Variants in ENPP1 observed in about 807,000 individuals in gnomAD.
ENPP1 encodes the protein ectonucleotide pyrophosphatase/phosphodiesterase family member 1.
A neutral mutation model predicts 122.8 loss-of-function variants in ENPP1; 73 were observed. That is an observed-to-expected ratio of 0.59 (90% CI 0.49 to 0.72). ENPP1 has a LOEUF of 0.72. Among genes scored for constraint, ENPP1 ranks in the 30% least tolerant of loss-of-function variants. The probability of loss-of-function intolerance (pLI) is 0.00; values close to 1 mark genes in which losing one functional copy is unlikely to be tolerated. For synonymous variants in ENPP1, 367 were observed against 391.6 expected (o/e 0.94, Z 0.74); for missense variants, 978 against 1,128.1 (o/e 0.87, Z 1.91).
chr6:131,868,196 A>T lies in ENPP1; in HGVS notation c.1273+70A>T, dbSNP rs145365159. 2,739 of 1,163,580 alleles carry T rather than the reference A, an allele frequency of 2.4e-3. 54 individuals are homozygous for T. In the African/African-American group the frequency reaches 0.034, roughly 14 times the overall value. 72.1% of individuals were successfully genotyped at this position (1,163,580 alleles called of 1,614,324 possible). A position where few individuals can be genotyped will look rare whatever the true frequency, so the allele number is the denominator to read the frequency against. On this transcript the variant is annotated intron_variant, in intron 12 of 24. Coordinates refer to ENST00000647893, the MANE Select transcript of ENPP1 (RefSeq NM_006208.3). ...AGAAAGTTTACTTGATGGTTTCCCA[A>T]TTTTTTCTGAATGTTGTAGTTAATT...
At chr6:131,885,582 G>A (rs1048656784) in intron 23 of ENPP1, among the ~76,000 whole-genome samples, 28 of 152,106 alleles carry the variant, frequency 1.8e-4, no homozygotes, top group Admixed American at 1.6e-3. Context: ...TTAAAAAAGA[G>A]AGGGAAAGAA....
intron 24 of ENPP1, among the ~76,000 whole-genome samples, chr6:131,889,386 C>T (rs187744076): frequency 6.6e-6 from 1 of 151,844 alleles, no homozygotes; most frequent in Admixed American, 6.6e-5. Context: ...CCTCCTCCCA[C>T]CCCCTGCCCT....
intron 18 of ENPP1, 165 bp downstream of exon 18, chr6:131,877,326 C>T (rs1373913791): frequency 2.8e-6 from 2 of 708,852 alleles, no homozygotes; most frequent in African/African-American, 3.6e-5. Flanking sequence ...TGTGATATAT[C>T]TTTTCTCTTT....
At chr6:131,838,857 G>T (rs1781707349) in intron 1 of ENPP1, among the ~76,000 whole-genome samples, 1 of 152,116 alleles carries the variant, frequency 6.6e-6, no homozygotes. Flanking sequence ...CCATATGTTT[G>T]AAAAGGTAGG....
At chr6:131,809,122 A>G (rs1209656409) in intron 1 of ENPP1, among the ~76,000 whole-genome samples, 2 of 152,168 alleles carry the variant, frequency 1.3e-5, no homozygotes, top group African/African-American at 4.8e-5. Context: ...TCCCTTGTGC[A>G]TTGCATGGGA....
At chr6:131,839,645 G>A (rs1781716651) in intron 1 of ENPP1, among the ~76,000 whole-genome samples, 1 of 152,098 alleles carries the variant, frequency 6.6e-6, no homozygotes, top group South Asian at 2.1e-4. Context: ...ACACTAAGAA[G>A]ATGACAAAAT....
chr6:131,843,428 G>A (rs1781766605), intron 1 of ENPP1, among the ~76,000 whole-genome samples: 4 of 152,100 alleles, frequency 2.6e-5, no homozygotes, highest in Admixed American at 2.6e-4. Flanking sequence ...CTTAACAAGA[G>A]GATAAAGAGC....
rs1297864454 is a variant in ENPP1, at chr6:131,886,551, A to G, written c.2445-11A>G. The G allele has an allele frequency of 6.3e-7, 1 of 1,597,686 alleles. No homozygotes were observed. Among genetic ancestry groups the G allele is most frequent in the East Asian group, 2.2e-5 (1 of 44,786 alleles). The stretch of plus-strand genomic sequence containing the variant: ...TTTCTTTCTTAAAATGAATATTGGC[A>G]TGTTTTACAGAAAAAGAAGAGTCAT... On this transcript the variant is annotated splice_polypyrimidine_tract_variant and intron_variant, in intron 23 of 24. Coordinates refer to ENST00000647893, the MANE Select transcript of ENPP1 (RefSeq NM_006208.3).
At chr6:131,821,945 G>A (rs2114660377) in intron 1 of ENPP1, among the ~76,000 whole-genome samples, 1 of 152,262 alleles carries the variant, frequency 6.6e-6, no homozygotes, top group Non-Finnish European at 1.5e-5. Flanking sequence ...AAACACACTA[G>A]CTTCCTATAA....
Position 131,890,435 on chromosome 6 carries a change from A to G in ENPP1, c.2702A>G (p.Tyr901Cys), listed in dbSNP as rs121908249. The G allele has an allele frequency of 2.5e-6, 4 of 1,613,714 alleles. No individual in the cohort carries two copies. The highest frequency in any genetic ancestry group is 4.5e-5 in the East Asian group (2 of 44,884). ...GAGCACATCACTGGACTCAGCTTCTATCAACAAAGAAAAGAGCCAGTTTCA... is the reference window on the plus strand; with the variant it reads ...GAGCACATCACTGGACTCAGCTTCTGTCAACAAAGAAAAGAGCCAGTTTCA... The part of the protein sequence containing the change: ...DVEHITGLSF[Y>C]QQRKEPVSDI... Residue 901 changes from tyrosine to cysteine, a missense_variant, in exon 25 of 25, where the codon TAT becomes TGT. Tyr to Cys is a radical substitution (Grantham distance 194). Around this residue, in one of 3 missense-constraint regions of ENPP1, gnomAD observed 644 missense variants for 781.5 expected, o/e 0.82. Transcript: ENST00000647893.
At chr6:131,826,617 CA>C in intron 1 of ENPP1, 1 of 932,992 alleles carries the variant, frequency 1.1e-6, no homozygotes, top group Non-Finnish European at 1.7e-6. Flanking sequence ...CACAGCTGAT[CA>C]GTTCTAGGCT....
At position 131,838,670 on chromosome 6, in the gene ENPP1, A is replaced by T. The variant is rs369007548; in HGVS notation, c.241-9106A>T. 1.2e-3 allele frequency among the ~76,000 whole-genome samples: 186 copies of T among 152,082 alleles called. 6 individuals carry two copies. In the South Asian group the frequency reaches 0.03, roughly 24 times the overall value. ...AATAAGAGTAAGACCAGAAATTAAT[A>T]AAATAACAATAAGCATACAAAAGAA... On this transcript the variant is annotated intron_variant, in intron 1 of 24. Transcript: ENST00000647893.
At chr6:131,826,388 C>T in intron 1 of ENPP1, 3 of 997,612 alleles carry the variant, frequency 3.0e-6, no homozygotes, top group Non-Finnish European at 4.7e-6. Context: ...GGCAGATTCT[C>T]AATATTAATA....
intron 2 of ENPP1, among the ~76,000 whole-genome samples, 156 bp downstream of exon 2, chr6:131,848,004 T>C (rs1398020449): frequency 1.3e-5 from 2 of 152,168 alleles, no homozygotes; most frequent in African/African-American, 4.8e-5. Flanking sequence ...GCCTTTTTCC[T>C]GAAGTTCTTG....
intron 1 of ENPP1, among the ~76,000 whole-genome samples, chr6:131,832,152 G>A (rs1393749558): frequency 6.6e-6 from 1 of 151,722 alleles, no homozygotes; most frequent in Non-Finnish European, 1.5e-5. Context: ...GGATGTTCCA[G>A]GCTTTTAGGT....
intron 1 of ENPP1, among the ~76,000 whole-genome samples, chr6:131,833,951 T>G (rs1310216899): frequency 6.6e-6 from 1 of 152,208 alleles, no homozygotes; most frequent in Admixed American, 6.5e-5. Flanking sequence ...GGAGGGACCC[T>G]TTAGCCTTTT....
rs1782340059 is a variant in ENPP1, at chr6:131,883,602, A to AT, written c.2231-92_2231-91insT. 3.1e-5 allele frequency: 23 copies of AT among 732,506 alleles called. No homozygotes were observed. The South Asian group carries it at 3.2e-4, about 10-fold the overall frequency. The allele number at this position is 732,506 out of a possible 1,614,324, so 45.4% of individuals were successfully genotyped here. On this transcript the variant is annotated intron_variant, in intron 21 of 24. Coordinates refer to ENST00000647893, the MANE Select transcript of ENPP1 (RefSeq NM_006208.3). ...TACAGGTTTAAGATGGTACTCAGCTAATTTTTAAAAATGCTCCCCTAACCA... is the reference window on the plus strand; with the variant it reads ...TACAGGTTTAAGATGGTACTCAGCTATATTTTTAAAAATGCTCCCCTAACCA...
At position 131,886,589 on chromosome 6, in the gene ENPP1, A is replaced by G; in HGVS notation, c.2472A>G (p.Glu824=). Residue 824 remains glutamate (E), a synonymous_variant, in exon 24 of 25, where the codon GAA becomes GAG. Transcript: ENST00000647893. ...RQKRRVIRNQ[E]ILIPTHFFIV... ...AAAGAAGAGTCATCCGTAACCAAGA[A>G]ATTTTGATTCCAACTCACTTCTTTA... The G allele has an allele frequency of 1.2e-6, 2 of 1,613,848 alleles. No individual in the cohort carries two copies. The highest frequency in any genetic ancestry group is 8.5e-7 in the Non-Finnish European group (1 of 1,179,742).
Position 131,875,863 on chromosome 6 carries a change from G to A in ENPP1, c.1723G>A (p.Asp575Asn). 1 of 1,609,148 alleles carries A rather than the reference G, an allele frequency of 6.2e-7. No individual in the cohort carries two copies. The highest frequency in any genetic ancestry group is 8.5e-7 in the Non-Finnish European group (1 of 1,175,492). The part of the protein sequence containing the change: ...ENIEVYNLMC[D>N]LLNLTPAPNN... ...CATTGAAGTCTATAACTTAATGTGT[G>A]GTAAGTGTGAACAGGTGCCTTTTTT... Residue 575 changes from aspartate (D) to asparagine (N), a missense_variant and splice_region_variant, in exon 17 of 25, where the codon GAT becomes AAT. Physicochemically the swap from Asp to Asn is conservative, Grantham distance 23 (BLOSUM62 1). Coordinates refer to ENST00000647893, the MANE Select transcript of ENPP1 (RefSeq NM_006208.3).
Sources: allele counts gnomAD v4.1 joint callset (sites outside exome capture counted in the v4.1 genomes callset), GRCh38; gene constraint gnomAD v4.1.1; regional missense constraint gnomAD v4.1.1; transcripts MANE v1.5; gene names NCBI Gene and HGNC (gene_info 2026-07-23, HGNC 2026-07-21).